Variants in MGAT4C observed in about 807,000 individuals in gnomAD.
MGAT4C encodes the protein MGAT4 family member C.
In MGAT4C, 19 loss-of-function variants were observed where a neutral mutation model predicts 40.1. The ratio of observed to expected loss-of-function variants is 0.47; its 90% CI spans 0.33 to 0.70. The LOEUF is 0.70. Ranked by LOEUF, MGAT4C falls within the 30% of genes least tolerant of loss-of-function variation. The pLI, the probability that MGAT4C is intolerant of heterozygous loss-of-function variation, is 0.02. For synonymous variants in MGAT4C, 181 were observed against 187.1 expected (o/e 0.97, Z 0.27); for missense variants, 491 against 563.2 (o/e 0.87, Z 1.30).
At chr12:86,803,366 A>G (rs1410270464) in intron 1 of MGAT4C, among the ~76,000 whole-genome samples, 1 of 151,892 alleles carries the variant, frequency 6.6e-6, no homozygotes, top group African/African-American at 2.4e-5. Flanking sequence ...AAAGGACTTC[A>G]TGTCTAAAAC....
intron 2 of MGAT4C, among the ~76,000 whole-genome samples, chr12:86,515,486 C>A (rs1958667062): frequency 6.6e-6 from 1 of 151,870 alleles, no homozygotes; most frequent in South Asian, 2.1e-4. Context: ...TATACACTAG[C>A]AAAGAACAAC....
At chr12:86,726,025 A>T (rs1291203237) in intron 2 of MGAT4C, among the ~76,000 whole-genome samples, 2 of 152,244 alleles carry the variant, frequency 1.3e-5, no homozygotes, top group Non-Finnish European at 2.9e-5. Flanking sequence ...CCTTCACAAA[A>T]GAATGTCCAG....
At chr12:86,826,542 C>T (rs931946973) in intron 1 of MGAT4C, among the ~76,000 whole-genome samples, 5 of 151,484 alleles carry the variant, frequency 3.3e-5, no homozygotes, top group Admixed American at 6.6e-5. Context: ...TGTTTAAATG[C>T]ACCTTGCAAA....
chr12:86,526,302 C>T (rs1300959181), intron 2 of MGAT4C, among the ~76,000 whole-genome samples: 7 of 151,788 alleles, frequency 4.6e-5, no homozygotes, highest in African/African-American at 1.5e-4. Flanking sequence ...GGAGGGTTGG[C>T]GGGGAGTAAA....
chr12:86,015,585 G>C (rs1490312549), intron 2 of MGAT4C: 1 of 152,182 alleles, frequency 6.6e-6, no homozygotes, highest in East Asian at 1.9e-4. Context: ...AGTAAGTCTG[G>C]GATTGCTTGA....
At chr12:86,387,291 T>G (rs1956069718) in intron 3 of MGAT4C, among the ~76,000 whole-genome samples, 1 of 152,132 alleles carries the variant, frequency 6.6e-6, no homozygotes, top group Non-Finnish European at 1.5e-5. Flanking sequence ...TCTAGATTCA[T>G]GTATAATATT....
chr12:86,816,942 T>C (rs2136222734), intron 1 of MGAT4C, among the ~76,000 whole-genome samples: 1 of 151,378 alleles, frequency 6.6e-6, no homozygotes, highest in African/African-American at 2.4e-5. Flanking sequence ...CTTATTTTGT[T>C]ACAAGTATTT....
chr12:86,549,727 C>T (rs1218181604), intron 2 of MGAT4C, among the ~76,000 whole-genome samples: 3 of 152,142 alleles, frequency 2.0e-5, no homozygotes, highest in Admixed American at 1.3e-4. Context: ...CCACGACAAC[C>T]CATAGACAGC....
intron 2 of MGAT4C, among the ~76,000 whole-genome samples, chr12:86,532,287 T>C (rs1958999094): frequency 6.6e-6 from 1 of 152,052 alleles, no homozygotes; most frequent in Non-Finnish European, 1.5e-5. Flanking sequence ...TAATAAGGTT[T>C]ATCTTTTGAT....
intron 1 of MGAT4C, among the ~76,000 whole-genome samples, chr12:86,825,033 C>G (rs1015610133): frequency 1.3e-5 from 2 of 151,242 alleles, no homozygotes; most frequent in Non-Finnish European, 3.0e-5. Flanking sequence ...ACGAGTCAAT[C>G]AAAAATGACT....
rs1354952104 is a variant in MGAT4C, at chr12:86,443,194, G to GTGTATATATATACACACACACACA, written c.-228-7953_-228-7930dup. 4.0e-5 allele frequency among the ~76,000 whole-genome samples: 6 copies of GTGTATATATATACACACACACACA among 150,198 alleles called. 1 individual carries two copies. The East Asian group carries it at 1.2e-3, about 31-fold the overall frequency. The stretch of plus-strand genomic sequence containing the variant: ...CCACTGACATTATATATGTGTGTGT[G>GTGTATATATATACACACACACACA]TGTATATATATACACACACACACAC... On this transcript the variant is annotated intron_variant, in intron 2 of 7. Coordinates refer to the MGAT4C transcript ENST00000548651.
chr12:85,997,583 T>C (rs1159877791), intron 2 of MGAT4C, among the ~76,000 whole-genome samples: 2 of 152,076 alleles, frequency 1.3e-5, no homozygotes, highest in Non-Finnish European at 2.9e-5. Context: ...ATACAGCCAT[T>C]ACAAATGGAA....
At chr12:86,252,051 T>G (rs753743224) in intron 1 of MGAT4C, among the ~76,000 whole-genome samples, 1 of 152,058 alleles carries the variant, frequency 6.6e-6, no homozygotes, top group Non-Finnish European at 1.5e-5. Context: ...CTCTAGATTA[T>G]TTTTTCATTT....
At chr12:86,316,742 G>A (rs1370615612) in intron 4 of MGAT4C, among the ~76,000 whole-genome samples, 2 of 152,070 alleles carry the variant, frequency 1.3e-5, no homozygotes, top group East Asian at 3.9e-4. Flanking sequence ...GGAAGGGTGG[G>A]AAAACTAACT....
At chr12:86,693,958 G>A (rs534492938) in intron 2 of MGAT4C, among the ~76,000 whole-genome samples, 3 of 152,098 alleles carry the variant, frequency 2.0e-5, no homozygotes, top group East Asian at 1.9e-4. Flanking sequence ...TTCATTACCC[G>A]TCAGCTTCTT....
At chr12:86,565,197 TTCA>T (rs1960038142) in intron 2 of MGAT4C, among the ~76,000 whole-genome samples, 1 of 152,100 alleles carries the variant, frequency 6.6e-6, no homozygotes, top group Non-Finnish European at 1.5e-5. Flanking sequence ...ACAGCAGCAT[TTCA>T]TCATCAAGTT....
At chr12:86,461,121 T>G (rs1049607988) in intron 2 of MGAT4C, among the ~76,000 whole-genome samples, 4 of 152,100 alleles carry the variant, frequency 2.6e-5, no homozygotes, top group African/African-American at 9.7e-5. Flanking sequence ...GGAATAGGTA[T>G]AGATTTGACA....
In MGAT4C at chr12:86,707,369, C is replaced by G. The variant is rs115677348; in HGVS notation, c.-229+19840G>C. 3.0e-3 allele frequency among the ~76,000 whole-genome samples: 451 copies of G among 152,156 alleles called. 1 individual carries two copies. Among genetic ancestry groups the G allele is most frequent in the African/African-American group, 0.01 (431 of 41,518 alleles). Reference sequence around the variant, plus strand: ...AATAAAGTATAGGCTGAGGTGGTCTCAGACGGAAAAGAGGAACTTGTTGGG... The same window carrying G: ...AATAAAGTATAGGCTGAGGTGGTCTGAGACGGAAAAGAGGAACTTGTTGGG... On this transcript the variant is annotated intron_variant, in intron 2 of 7. Coordinates refer to the MGAT4C transcript ENST00000548651.
At chr12:86,139,165 G>A (rs1882470367) in intron 1 of MGAT4C, among the ~76,000 whole-genome samples, 1 of 151,990 alleles carries the variant, frequency 6.6e-6, no homozygotes. Context: ...GTTTTACAGT[G>A]TTTTATTAAG....
Sources: allele counts gnomAD v4.1 joint callset (sites outside exome capture counted in the v4.1 genomes callset), GRCh38; gene constraint gnomAD v4.1.1; transcripts MANE v1.5; gene names NCBI Gene and HGNC (gene_info 2026-07-23, HGNC 2026-07-21).